PSME4: variants seen among roughly 807,000 people sequenced by gnomAD.
PSME4 encodes proteasome activator subunit 4.
Under a neutral mutation model 253.9 loss-of-function variants are expected in PSME4, and 89 were observed. That is an observed-to-expected ratio of 0.35 (90% CI 0.30 to 0.42). PSME4 has a LOEUF of 0.42. Among genes scored for constraint, PSME4 ranks in the 10% least tolerant of loss-of-function variants. The pLI is 1.00. For synonymous variants in PSME4, 851 were observed against 759.2 expected (o/e 1.12, Z -1.99); for missense variants, 2,014 against 2,195.2 (o/e 0.92, Z 1.65).
At chr2:53,952,396 G>T (rs888307957) in intron 1 of PSME4, among the ~76,000 whole-genome samples, 3 of 152,122 alleles carry the variant, frequency 2.0e-5, no homozygotes, top group African/African-American at 7.2e-5. Flanking sequence ...ACAAAAATTA[G>T]CTGGGCATGG....
At chr2:53,898,403 A>G in intron 29 of PSME4, 49 bp from the exon 30 acceptor site, 1 of 1,339,086 alleles carries the variant, frequency 7.5e-7, no homozygotes, top group Middle Eastern at 2.1e-4. Context: ...TAAAATGAAC[A>G]TCAAAAATAT....
chr2:53,895,104 T>A (rs762146350), intron 33 of PSME4, 28 bp from the exon 34 acceptor site: 12 of 1,569,422 alleles, frequency 7.6e-6, no homozygotes, highest in Admixed American at 3.9e-5. Context: ...ATATTTATCA[T>A]ACGCATAGAA....
In PSME4 at chr2:53,936,117, C is replaced by T. The variant is rs1669100768; in HGVS notation, c.804G>A (p.Gly268=). The change falls in exon 7 of 47, where the codon GGG becomes GGA. Residue 268 remains glycine (G), a synonymous_variant. Coordinates refer to ENST00000404125, the MANE Select transcript of PSME4 (RefSeq NM_014614.3). ...LFARLATDNI[G]YIDWDPYVPK... Reference sequence around the variant, plus strand: ...GTACATATGGATCCCAATCTATGTACCCTATATTATCTGTAGCCAATCGAG... The same window carrying T: ...GTACATATGGATCCCAATCTATGTATCCTATATTATCTGTAGCCAATCGAG... 2 of 1,613,128 alleles carry T rather than the reference C, an allele frequency of 1.2e-6. No individual in the cohort carries two copies. The highest frequency in any genetic ancestry group is 1.3e-5 in the African/African-American group (1 of 74,906).
intron 4 of PSME4, 117 bp downstream of exon 4, chr2:53,939,839 C>G (rs1669302871): frequency 2.4e-6 from 2 of 817,882 alleles, no homozygotes; most frequent in Non-Finnish European, 3.8e-6. Context: ...TGCTCAGTGA[C>G]TAACATCACA....
intron 10 of PSME4, 37 bp from the exon 11 acceptor site, chr2:53,928,340 A>G (rs374967276): frequency 2.0e-4 from 300 of 1,507,854 alleles, no homozygotes; most frequent in Middle Eastern, 1.4e-3. Flanking sequence ...AGTCTCCATC[A>G]CAGATATGCA....
chr2:53,912,034 T>C (rs1326411047), intron 20 of PSME4, among the ~76,000 whole-genome samples: 2 of 152,250 alleles, frequency 1.3e-5, no homozygotes, highest in East Asian at 3.8e-4. Flanking sequence ...TATTAAGTAA[T>C]GTATTTAAAT....
chr2:53,875,195 T>C (rs1679064429), intron 42 of PSME4, among the ~76,000 whole-genome samples: 1 of 152,220 alleles, frequency 6.6e-6, no homozygotes, highest in Non-Finnish European at 1.5e-5. Context: ...TCCACTTCTA[T>C]ATAACATGTG....
chr2:53,890,294 C>T (rs1679847335), intron 36 of PSME4, 86 bp from the exon 37 acceptor site: 2 of 882,410 alleles, frequency 2.3e-6, no homozygotes, highest in Admixed American at 2.0e-5. Context: ...GAAATGTACA[C>T]ACATACAGGT....
chr2:53,916,415 A>G (rs897656687), intron 20 of PSME4, among the ~76,000 whole-genome samples: 3 of 152,150 alleles, frequency 2.0e-5, no homozygotes, highest in Non-Finnish European at 2.9e-5. Context: ...CATGACAATT[A>G]TGTGTTTCAT....
intron 10 of PSME4, 31 bp downstream of exon 10, chr2:53,931,804 G>C: frequency 6.2e-7 from 1 of 1,607,380 alleles, no homozygotes; most frequent in Non-Finnish European, 8.5e-7. Context: ...GAAAAACCTA[G>C]CTGTGGCTGA....
At chr2:53,921,326 CAA>C (rs200786503) in intron 17 of PSME4, among the ~76,000 whole-genome samples, 1 of 151,786 alleles carries the variant, frequency 6.6e-6, no homozygotes, top group East Asian at 2.0e-4. Context: ...ACATCCCTTT[CAA>C]AAGAGTCTAT....
rs746970801 is a variant in PSME4, at chr2:53,949,172, T to A, written c.354A>T (p.Gly118=). ...ACAAGTTGATCAAAAGGCGGGCAAA[T>A]CCCTGCATCATGCTGATTTCCAGTT... ...IPKLEISMMQ[G]FARLLINLLK... The change falls in exon 2 of 47, where the codon GGA becomes GGT. Residue 118 remains glycine, a synonymous_variant. Coordinates refer to ENST00000404125, the MANE Select transcript of PSME4 (RefSeq NM_014614.3). The A allele has an allele frequency of 6.2e-7, 1 of 1,609,228 alleles. No individual in the cohort carries two copies. The highest frequency in any genetic ancestry group is 8.5e-7 in the Non-Finnish European group (1 of 1,177,680).
chr2:53,921,332 A>G (rs1297626232), intron 17 of PSME4, among the ~76,000 whole-genome samples: 1 of 151,494 alleles, frequency 6.6e-6, no homozygotes, highest in African/African-American at 2.4e-5. Flanking sequence ...CTTTCAAAAG[A>G]GTCTATTCTA....
At chr2:53,960,834 G>T (rs547129414) in intron 1 of PSME4, among the ~76,000 whole-genome samples, 1 of 152,164 alleles carries the variant, frequency 6.6e-6, no homozygotes, top group East Asian at 1.9e-4. Flanking sequence ...CTGGCCAGGC[G>T]CGGTGGCTCA....
At chr2:53,920,054 T>G in intron 19 of PSME4, 139 bp downstream of exon 19, 1 of 770,102 alleles carries the variant, frequency 1.3e-6, no homozygotes. Flanking sequence ...AACATTATAT[T>G]AAATGATTTT....
chr2:53,906,543 A>G, intron 26 of PSME4, 55 bp downstream of exon 26: 1 of 1,450,776 alleles, frequency 6.9e-7, no homozygotes, highest in Non-Finnish European at 9.1e-7. Context: ...GGATATTAAG[A>G]TTGCATGTAA....
At chr2:53,881,836 G>A (rs1365064997) in intron 41 of PSME4, among the ~76,000 whole-genome samples, 4 of 152,058 alleles carry the variant, frequency 2.6e-5, no homozygotes, top group African/African-American at 4.8e-5. Context: ...TGCCCGCCTC[G>A]GTCTCCCAAA....
intron 14 of PSME4, among the ~76,000 whole-genome samples, chr2:53,924,671 C>T (rs371184924): frequency 3.6e-4 from 55 of 152,130 alleles, no homozygotes; most frequent in African/African-American, 1.3e-3. Flanking sequence ...ATGTGCACAA[C>T]ATGCAGGTTT....
chr2:53,920,074 T>C (rs749387545), intron 19 of PSME4, 119 bp downstream of exon 19: 9 of 858,852 alleles, frequency 1.0e-5, no homozygotes, highest in East Asian at 5.0e-5. Context: ...TCTAAGTACA[T>C]GTATAGCAGA....
Sources: gnomAD v4.1 joint callset for allele counts (sites outside exome capture counted in the v4.1 genomes callset) on GRCh38, gnomAD v4.1.1 for gene constraint, MANE v1.5 for transcripts, NCBI Gene and HGNC (gene_info 2026-07-23, HGNC 2026-07-21) for gene names.